Variants in PASK observed in about 807,000 individuals in gnomAD.
PASK encodes the protein PAS domain-containing serine/threonine-protein kinase.
In PASK, 110 loss-of-function variants were observed where a neutral mutation model predicts 121.0. The ratio of observed to expected loss-of-function variants is 0.91; its 90% CI spans 0.78 to 1.06. PASK has a LOEUF of 1.06. Ranked by LOEUF, PASK falls within the 50% of genes least tolerant of loss-of-function variation. The pLI is 0.00. For synonymous variants in PASK, 686 were observed against 717.8 expected (o/e 0.96, Z 0.71); for missense variants, 1,643 against 1,702.3 (o/e 0.97, Z 0.61).
intron 14 of PASK, chr2:241,114,130 A>G: frequency 1.0e-6 from 1 of 985,404 alleles, no homozygotes; most frequent in Non-Finnish European, 1.2e-6. Context: ...AGTTTCAGAA[A>G]CAAGTGTTGG....
intron 11 of PASK, 124 bp downstream of exon 11, chr2:241,123,820 GAAAAA>G (rs745583195): frequency 6.0e-6 from 4 of 671,166 alleles, no homozygotes; most frequent in Admixed American, 2.9e-5. Flanking sequence ...CTCCGTCCCA[GAAAAA>G]AAAAAAAAAA....
intron 2 of PASK, among the ~76,000 whole-genome samples, chr2:241,141,943 C>T (rs755424691): frequency 7.9e-5 from 12 of 152,178 alleles, no homozygotes; most frequent in Non-Finnish European, 1.6e-4. Context: ...ACCTCCGGCT[C>T]CCACCCCTGC....
rs369773237 is a variant in PASK, at chr2:241,127,088, G to A, written c.1827C>T (p.His609=). The part of the protein sequence containing the change: ...GQLAGGSLLM[H]CPCYGSEWGL... ...CCCATTCACTCCCATAGCAAGGGCA[G>A]TGCATCAGGAGGCTGCCCCCCGCCA... The change falls in exon 10 of 18, where the codon CAC becomes CAT. Residue 609 remains histidine, a synonymous_variant. Coordinates refer to ENST00000234040, the MANE Select transcript of PASK (RefSeq NM_015148.4). 177 of 1,613,966 alleles carry A rather than the reference G, an allele frequency of 1.1e-4. No individual in the cohort carries two copies. The highest frequency in any genetic ancestry group is 1.3e-4 in the Non-Finnish European group (158 of 1,180,036).
intron 1 of PASK, among the ~76,000 whole-genome samples, chr2:241,149,179 G>C (rs2067145682): frequency 6.6e-6 from 1 of 152,120 alleles, no homozygotes; most frequent in Non-Finnish European, 1.5e-5. Context: ...GACGCTGGGG[G>C]CGCGGGGCCC....
At chr2:241,140,296 C>T (rs111914800) in intron 3 of PASK, among the ~76,000 whole-genome samples, 3 of 152,268 alleles carry the variant, frequency 2.0e-5, no homozygotes, top group African/African-American at 7.2e-5. Context: ...TCCCTGGTAG[C>T]TGGGACTACA....
At position 241,149,362 on chromosome 2, in the gene PASK, C is replaced by T. The variant is rs925855944; in HGVS notation, c.-43+52G>A. On this transcript the variant is annotated intron_variant, in intron 1 of 17. Coordinates refer to ENST00000234040, the MANE Select transcript of PASK (RefSeq NM_015148.4). Reference sequence around the variant, plus strand: ...CGGAGCCGCGCAGGCCCCACAGCCGCCCTGGGGAGATGGCGGAGCCCGGCC... The same window carrying T: ...CGGAGCCGCGCAGGCCCCACAGCCGTCCTGGGGAGATGGCGGAGCCCGGCC... 8 of 369,670 alleles carry T rather than the reference C, an allele frequency of 2.2e-5. No homozygotes were observed. In the Admixed American group the frequency reaches 2.7e-4, roughly 12 times the overall value. The allele number at this position is 369,670 out of a possible 1,614,324, so 22.9% of individuals were successfully genotyped here.
chr2:241,143,874 G>A (rs1312284288), intron 1 of PASK, among the ~76,000 whole-genome samples: 1 of 152,256 alleles, frequency 6.6e-6, no homozygotes, highest in African/African-American at 2.4e-5. Flanking sequence ...ATGTCTCCTA[G>A]AGACAGGCCT....
intron 12 of PASK, among the ~76,000 whole-genome samples, chr2:241,120,492 C>CAAAAAAAAAAAAAA (rs568145375): frequency 6.4e-5 from 9 of 140,038 alleles, no homozygotes; most frequent in East Asian, 5.4e-4. Flanking sequence ...GACTCTGTCT[C>CAAAAAAAAAAAAAA]AAAAGAAAAA....
At chr2:241,142,806 G>A (rs745590547) in intron 2 of PASK, 31 bp downstream of exon 2, 93 of 1,494,870 alleles carry the variant, frequency 6.2e-5, no homozygotes, top group African/African-American at 1.5e-4. Flanking sequence ...ATTTCCACGC[G>A]CTAAGGCCTG....
In PASK at chr2:241,107,379, T is replaced by C. The variant is rs1018845603; in HGVS notation, c.3788A>G (p.Glu1263Gly). Reference protein sequence around the residue: ...QPVNLADYTWEEVFRVNKPES... With the variant: ...QPVNLADYTWGEVFRVNKPES... ...TGGCTTGTTTACTCGAAACACCTCT[T>C]CCCATGTATAGTCAGCAAGATTCAC... The change falls in exon 17 of 18, where the codon GAA (glutamate) becomes GGA (glycine). Residue 1263 changes from glutamate to glycine, a missense_variant. Glu to Gly is a moderately conservative substitution (Grantham distance 98, BLOSUM62 -2). This residue lies in a region of PASK where 453 missense variants were observed against 511.2 expected (regional missense o/e 0.89). Coordinates refer to ENST00000234040, the MANE Select transcript of PASK (RefSeq NM_015148.4). 3 of 1,613,906 alleles carry C rather than the reference T, an allele frequency of 1.9e-6. No homozygotes were observed. The highest frequency in any genetic ancestry group is 2.5e-6 in the Non-Finnish European group (3 of 1,179,814).
Position 241,124,145 on chromosome 2 carries a change from G to A in PASK, c.2720-12C>T. On this transcript the variant is annotated splice_polypyrimidine_tract_variant and intron_variant, in intron 10 of 17. Coordinates refer to ENST00000234040, the MANE Select transcript of PASK (RefSeq NM_015148.4). ...CTCAAACTGTATACCTGAAGGGTGA[G>A]AAGGTAAGAACGCACAGGCCTGTGC... 6.2e-7 allele frequency: 1 copy of A among 1,612,652 alleles called. No homozygotes were observed. The highest frequency in any genetic ancestry group is 8.5e-7 in the Non-Finnish European group (1 of 1,178,988).
chr2:241,106,761 A>G, intron 17 of PASK, 38 bp from the exon 18 acceptor site: 1 of 1,601,880 alleles, frequency 6.2e-7, no homozygotes, highest in Non-Finnish European at 8.6e-7. Flanking sequence ...ACGTGCTAAC[A>G]ACTTAAGGTT....
chr2:241,143,083 C>G lies in PASK; in HGVS notation c.-42-9G>C. 1 of 1,319,654 alleles carries G rather than the reference C, an allele frequency of 7.6e-7. No individual in the cohort carries two copies. Among genetic ancestry groups the G allele is most frequent in the Non-Finnish European group, 1.1e-6 (1 of 913,374 alleles). 81.7% of individuals were successfully genotyped at this position (1,319,654 alleles called of 1,614,324 possible). ...GCTTCCAACTCTAACAACTAGAAAA[C>G]AACATGAAGCTGATTAACATCTGCA... On this transcript the variant is annotated splice_polypyrimidine_tract_variant and intron_variant, in intron 1 of 17. Coordinates refer to ENST00000234040, the MANE Select transcript of PASK (RefSeq NM_015148.4).
chr2:241,111,855 G>T lies in PASK; in HGVS notation c.3533+385C>A, dbSNP rs569632903. ...TTCTCTAGTGCTTGATTTCTTGTAT[G>T]GTCAGCCCCGCGGTATTTTATTGAA... On this transcript the variant is annotated intron_variant, in intron 15 of 17. Coordinates refer to ENST00000234040, the MANE Select transcript of PASK (RefSeq NM_015148.4). Among the ~76,000 whole-genome samples the T allele has an allele frequency of 3.4e-3, 514 of 152,252 alleles. 2 individuals carry two copies. The highest frequency in any genetic ancestry group is 5.8e-3 in the Non-Finnish European group (396 of 68,020).
At chr2:241,148,175 G>A (rs957048920) in intron 1 of PASK, among the ~76,000 whole-genome samples, 1 of 152,104 alleles carries the variant, frequency 6.6e-6, no homozygotes, top group African/African-American at 2.4e-5. Context: ...AGCACCTAAT[G>A]GTGCCACCGA....
intron 9 of PASK, among the ~76,000 whole-genome samples, chr2:241,128,996 T>C (rs900949546): frequency 2.0e-5 from 3 of 151,730 alleles, no homozygotes; most frequent in South Asian, 2.1e-4. Flanking sequence ...TGCGTCTGCC[T>C]GCCTCTCTCC....
chr2:241,121,429 A>G (rs1278323160), intron 12 of PASK, among the ~76,000 whole-genome samples: 2 of 152,252 alleles, frequency 1.3e-5, no homozygotes, highest in Non-Finnish European at 2.9e-5. Flanking sequence ...TATAGTCAAC[A>G]GAAAGTAGGA....
In PASK at chr2:241,127,120, C is replaced by A. The variant is rs1458619081; in HGVS notation, c.1795G>T (p.Gly599Cys). 2 of 1,614,092 alleles carry A rather than the reference C, an allele frequency of 1.2e-6. No homozygotes were observed. The highest frequency in any genetic ancestry group is 1.3e-5 in the African/African-American group (1 of 75,066). Residue 599 changes from glycine (G) to cysteine (C), a missense_variant, in exon 10 of 18, where the codon GGT becomes TGT. By Grantham distance (159) the Gly-to-Cys change is radical. Around this residue, in one of 3 missense-constraint regions of PASK, gnomAD observed 1,176 missense variants for 1,162.2 expected, o/e 1.01. Coordinates refer to ENST00000234040, the MANE Select transcript of PASK (RefSeq NM_015148.4). ...AGGAGGCTGCCCCCCGCCAGCTGAC[C>A]CTTGGCCTGGGGCTTGGCCACGGCA... The part of the protein sequence containing the change: ...GAAVAKPQAK[G>C]QLAGGSLLMH...
At chr2:241,145,616 C>T (rs914006651) in intron 1 of PASK, 31 of 151,922 alleles carry the variant, frequency 2.0e-4, no homozygotes, top group African/African-American at 7.3e-4. Context: ...ACACATCACA[C>T]CTGTAATCCC....
Sources: allele counts gnomAD v4.1 joint callset (sites outside exome capture counted in the v4.1 genomes callset), GRCh38; gene constraint gnomAD v4.1.1; regional missense constraint gnomAD v4.1.1; transcripts MANE v1.5; gene names NCBI Gene and HGNC (gene_info 2026-07-23, HGNC 2026-07-21).